SLC17A1: variants seen among roughly 807,000 people sequenced by gnomAD.
The protein encoded by SLC17A1 is solute carrier family 17 member 1, also known as sodium-dependent phosphate transport protein 1.
SLC17A1 carries 51 observed loss-of-function variants against 53.5 expected under a neutral mutation model. The observed-to-expected ratio is 0.95, with a 90% CI of 0.76 to 1.20. The LOEUF is 1.20. Ranked by LOEUF, SLC17A1 falls within the 50% of genes most tolerant of loss-of-function variation. SLC17A1 has a pLI of 0.00. For missense variants in SLC17A1, 538 were observed against 568.2 expected, an observed-to-expected ratio of 0.95 and a Z score of 0.54; for synonymous variants, 179 against 198.8, an observed-to-expected ratio of 0.90 and a Z score of 0.84.
intron 6 of SLC17A1, among the ~76,000 whole-genome samples, chr6:25,818,294 G>A (rs943518353): frequency 1.3e-5 from 2 of 152,024 alleles, no homozygotes; most frequent in African/African-American, 2.4e-5. Context: ...TGCTCTATAG[G>A]GCTCTCCTAA....
At chr6:25,781,143 A>G (rs573948852), downstream of SLC17A1, 1 of 151,602 alleles carries the variant, frequency 6.6e-6, no homozygotes, top group Non-Finnish European at 1.5e-5. Context: ...AAAGAATTCC[A>G]GTATTTAATG....
chr6:25,819,003 G>T, intron 6 of SLC17A1, 65 bp downstream of exon 6: 1 of 981,288 alleles, frequency 1.0e-6, no homozygotes, highest in Non-Finnish European at 1.5e-6. Context: ...CATTATATTG[G>T]GTTTTAATGT....
At chr6:25,796,706 T>A (rs112353716) in intron 12 of SLC17A1, among the ~76,000 whole-genome samples, 1 of 152,204 alleles carries the variant, frequency 6.6e-6, no homozygotes, top group African/African-American at 2.4e-5. Flanking sequence ...TATTAATAAA[T>A]TTTCCAGGAA....
the SLC17A1 span, among the ~76,000 whole-genome samples, chr6:25,735,588 C>G: frequency 0.27 from 41,282 of 151,104 alleles, 6,827 homozygotes; most frequent in East Asian, 0.7. Flanking sequence ...TTAACTACAA[C>G]AAACATTTAA....
chr6:25,760,749 C>A, the SLC17A1 span, among the ~76,000 whole-genome samples: 2 of 152,100 alleles, frequency 1.3e-5, no homozygotes, highest in Non-Finnish European at 2.9e-5. Flanking sequence ...TGTCTAGTCA[C>A]TTAGTTTCAA....
the SLC17A1 span, chr6:25,727,012 G>A: frequency 1.2e-6 from 2 of 1,614,194 alleles, no homozygotes; most frequent in African/African-American, 1.3e-5. Context: ...AAGAGGACCC[G>A]TAAGGAGAGT....
Position 25,811,440 on chromosome 6 carries a change from C to A in SLC17A1, c.1136G>T (p.Cys379Phe). ...GCCATTTATAAACACTCCACCCAAG[C>A]AAAAGCTGCCTGTTGCACCAGCAAG... ...LILAGATGSF[C>F]LGGVFINGLD... The change falls in exon 10 of 13, where the codon TGC becomes TTC. Residue 379 changes from cysteine (C) to phenylalanine (F), a missense_variant. By Grantham distance (205) the Cys-to-Phe change is radical. Transcript: ENST00000244527. 2 of 1,613,838 alleles carry A rather than the reference C, an allele frequency of 1.2e-6. No individual in the cohort carries two copies. Among genetic ancestry groups the A allele is most frequent in the Middle Eastern group, 1.7e-4 (1 of 6,060 alleles).
At chr6:25,794,779 A>G (rs1763571327) in intron 12 of SLC17A1, among the ~76,000 whole-genome samples, 1 of 152,192 alleles carries the variant, frequency 6.6e-6, no homozygotes. Context: ...GGTAGGAGGC[A>G]GGGCATCTGG....
At chr6:25,805,856 T>G (rs1399771710) in intron 10 of SLC17A1, among the ~76,000 whole-genome samples, 7 of 151,890 alleles carry the variant, frequency 4.6e-5, no homozygotes, top group Admixed American at 4.6e-4. Flanking sequence ...TAACAAGCAG[T>G]GAGATTAAAT....
chr6:25,738,253 CAGAT>C, the SLC17A1 span, among the ~76,000 whole-genome samples: 4 of 152,078 alleles, frequency 2.6e-5, no homozygotes, highest in African/African-American at 9.7e-5. Flanking sequence ...AGAGAACACA[CAGAT>C]AGTCCTACAC....
chr6:25,822,607 G>C (rs1764602566), intron 3 of SLC17A1, among the ~76,000 whole-genome samples: 1 of 152,120 alleles, frequency 6.6e-6, no homozygotes, highest in South Asian at 2.1e-4. Context: ...TGATGCATGT[G>C]CTAGAGAAAT....
chr6:25,819,549 G>C lies in SLC17A1; in HGVS notation c.491C>G (p.Pro164Arg). 1 of 1,614,120 alleles carries C rather than the reference G, an allele frequency of 6.2e-7. No homozygotes were observed. The highest frequency in any genetic ancestry group is 8.5e-7 in the Non-Finnish European group (1 of 1,179,992). The change falls in exon 5 of 13, where the codon CCC (proline) becomes CGC (arginine). Residue 164 changes from proline (P) to arginine (R), a missense_variant. By Grantham distance (103) the Pro-to-Arg change is moderately radical. Transcript: ENST00000244527. Reference sequence around the variant, plus strand: ...AGAAGTAAGTCGGCCTCGTTCCAGGGGAGGAGCCCATTTGACATATATTTC... The same window carrying C: ...AGAAGTAAGTCGGCCTCGTTCCAGGCGAGGAGCCCATTTGACATATATTTC... ...QFEIYVKWAP[P>R]LERGRLTSMS...
chr6:25,762,257 T>TATA, the SLC17A1 span, among the ~76,000 whole-genome samples: 1 of 152,212 alleles, frequency 6.6e-6, no homozygotes, highest in Admixed American at 6.5e-5. Context: ...TTTGAAGGTA[T>TATA]ATAAGACAGG....
At chr6:25,756,761 C>T in the SLC17A1 span, among the ~76,000 whole-genome samples, 1 of 152,154 alleles carries the variant, frequency 6.6e-6, no homozygotes, top group Non-Finnish European at 1.5e-5. Flanking sequence ...TATGAAAGCA[C>T]AACATTGCAT....
chr6:25,731,992 T>C, the SLC17A1 span: 3 of 1,582,828 alleles, frequency 1.9e-6, no homozygotes, highest in African/African-American at 4.0e-5. Flanking sequence ...CTCATGGCCT[T>C]GGAAGAGATT....
At chr6:25,819,974 T>C in intron 3 of SLC17A1, 59 bp from the exon 4 acceptor site, 1 of 1,191,608 alleles carries the variant, frequency 8.4e-7, no homozygotes, top group East Asian at 2.3e-5. Context: ...TACTGTGACA[T>C]TTAGGGATTC....
In SLC17A1 at chr6:25,813,215, T is replaced by C; in HGVS notation, c.617-2A>G. On this transcript the variant is annotated splice_acceptor_variant, in intron 6 of 12. Transcript: ENST00000244527. LOFTEE classifies it high-confidence loss of function. ...GACATACGGCACAGCCACAAGCACC[T>C]ATCAAAGCAGGGTAAGTTAGAATTG... 1.2e-6 allele frequency: 2 copies of C among 1,612,244 alleles called. No homozygotes were observed. Among genetic ancestry groups the C allele is most frequent in the Middle Eastern group, 1.7e-4 (1 of 6,054 alleles).
At chr6:25,802,343 A>C (rs1226573836) in intron 10 of SLC17A1, among the ~76,000 whole-genome samples, 1 of 152,228 alleles carries the variant, frequency 6.6e-6, no homozygotes, top group Non-Finnish European at 1.5e-5. Context: ...TTTAATTTAC[A>C]TATATTCTAT....
intron 12 of SLC17A1, among the ~76,000 whole-genome samples, chr6:25,789,356 T>C (rs369908899): frequency 3.3e-5 from 5 of 152,052 alleles, no homozygotes; most frequent in East Asian, 3.9e-4. Flanking sequence ...TTTACTAAAA[T>C]AAATAAGTGA....
Sources: gnomAD v4.1 joint callset for allele counts (sites outside exome capture counted in the v4.1 genomes callset) on GRCh38, gnomAD v4.1.1 for gene constraint, MANE v1.5 for transcripts, NCBI Gene and HGNC (gene_info 2026-07-23, HGNC 2026-07-21) for gene names.